BCAR1: variants seen among roughly 807,000 people sequenced by gnomAD.
BCAR1 encodes breast cancer anti-estrogen resistance protein 1.
BCAR1 carries 30 observed loss-of-function variants against 67.6 expected under a neutral mutation model. The ratio of observed to expected loss-of-function variants is 0.44; its 90% confidence interval spans 0.33 to 0.60. The LOEUF is 0.60. BCAR1 is among the 20% of genes least tolerant of loss of function. BCAR1 has a pLI of 0.02. For missense variants in BCAR1, 1,313 were observed against 1,222.3 expected, an observed-to-expected ratio of 1.07 and a Z score of -1.11; for synonymous variants, 626 against 556.7, an observed-to-expected ratio of 1.12 and a Z score of -1.75.
intron 1 of BCAR1, chr16:75,247,795 C>A (rs1009515206): frequency 1.7e-5 from 9 of 524,986 alleles, no homozygotes; most frequent in Admixed American, 3.1e-5. Context: ...CTGGCCTGCA[C>A]CCTTTCACCC....
At chr16:75,261,487 G>A (rs912628483) in intron 1 of BCAR1, among the ~76,000 whole-genome samples, 13 of 152,260 alleles carry the variant, frequency 8.5e-5, no homozygotes, top group African/African-American at 3.1e-4. Context: ...TGGCCCGACT[G>A]CTGCAGACCA....
Position 75,237,284 on chromosome 16 carries a change from C to A in BCAR1, c.694G>T (p.Asp232Tyr). Residue 232 changes from aspartate (D) to tyrosine (Y), a missense_variant, in exon 3 of 7, where the codon GAC (aspartate) becomes TAC (tyrosine). Asp to Tyr is a radical substitution (Grantham distance 160, BLOSUM62 -3). Coordinates refer to ENST00000162330, the MANE Select transcript of BCAR1 (RefSeq NM_014567.5). ...YVYEAAQPEQ[D>Y]EYDIPRHLLA... ...AGGTGTCGCGGGATGTCGTACTCGT[C>A]CTGCTCCGGCTGGGCGGCCTCGTAT... 1 of 1,521,652 alleles carries A rather than the reference C, an allele frequency of 6.6e-7. No homozygotes were observed. The highest frequency in any genetic ancestry group is 2.4e-5 in the East Asian group (1 of 41,306). The allele number at this position is 1,521,652 out of a possible 1,614,324, so 94.3% of individuals were successfully genotyped here.
upstream of BCAR1, chr16:75,252,447 G>A: frequency 7.0e-7 from 1 of 1,430,608 alleles, no homozygotes; most frequent in South Asian, 1.5e-5. Flanking sequence ...GGGAAACCGA[G>A]TGGAGACAAC....
At chr16:75,258,637 G>A (rs935962699) in intron 1 of BCAR1, among the ~76,000 whole-genome samples, 4 of 152,218 alleles carry the variant, frequency 2.6e-5, no homozygotes, top group African/African-American at 9.7e-5. Context: ...TGACATTTGA[G>A]CAGATGTGTG....
chr16:75,253,496 G>A (rs951819041), upstream of BCAR1, among the ~76,000 whole-genome samples: 1 of 152,194 alleles, frequency 6.6e-6, no homozygotes, highest in Non-Finnish European at 1.5e-5. Flanking sequence ...GGAGGTGGAT[G>A]GCTGGAACCT....
intron 4 of BCAR1, chr16:75,236,245 G>A (rs1000130696): frequency 5.0e-5 from 27 of 535,512 alleles, no homozygotes; most frequent in Middle Eastern, 4.9e-4. Flanking sequence ...GCCGGCTCTG[G>A]AGCCAGGTGA....
intron 1 of BCAR1, among the ~76,000 whole-genome samples, chr16:75,265,478 G>A (rs1338495746): frequency 2.0e-5 from 3 of 152,178 alleles, no homozygotes; most frequent in African/African-American, 2.4e-5. Flanking sequence ...TCCTGGTGCG[G>A]GGTCCTGGCG....
intron 1 of BCAR1, chr16:75,250,672 G>A: frequency 1.0e-6 from 1 of 985,488 alleles, no homozygotes; most frequent in Non-Finnish European, 1.2e-6. Context: ...CCCTCACCTC[G>A]GTCCAGCGAT....
At chr16:75,232,351 G>A (rs1040305270) in intron 6 of BCAR1, among the ~76,000 whole-genome samples, 1 of 152,042 alleles carries the variant, frequency 6.6e-6, no homozygotes, top group Non-Finnish European at 1.5e-5. Flanking sequence ...GTAGAGATGG[G>A]GTTTTGCCAT....
intron 4 of BCAR1, chr16:75,236,331 C>T (rs2151416950): frequency 2.5e-6 from 1 of 392,246 alleles, no homozygotes; most frequent in Non-Finnish European, 4.6e-6. Context: ...TGTGTCACTG[C>T]AGACACTCAC....
rs994032899 is a variant in BCAR1 at position 75,250,692 on chromosome 16, G to C, written c.12+779C>G. ...ACCTCGGTCCAGCGATCAGCCTCTC[G>C]GACCCTCGAGAGGGAGCTCCGACCC... On this transcript the variant is annotated intron_variant, in intron 1 of 6. Transcript: ENST00000162330. 3 of 985,360 alleles carry C rather than the reference G, an allele frequency of 3.0e-6. No homozygotes were observed. In the African/African-American group the frequency reaches 5.2e-5, roughly 17 times the overall value. 61.0% of individuals were successfully genotyped at this position (985,360 alleles called of 1,614,324 possible).
At chr16:75,248,923 C>A (rs1205602792) in intron 1 of BCAR1, 1 of 152,462 alleles carries the variant, frequency 6.6e-6, no homozygotes, top group African/African-American at 2.4e-5. Flanking sequence ...TTGGCTGCAG[C>A]ACCACAGCAG....
At chr16:75,230,963 T>A (rs979282271) in intron 6 of BCAR1, among the ~76,000 whole-genome samples, 1 of 151,846 alleles carries the variant, frequency 6.6e-6, no homozygotes, top group Admixed American at 6.6e-5. Flanking sequence ...GGCAGGTGAA[T>A]CACTTGAGTC....
chr16:75,251,338 C>A, intron 1 of BCAR1, 133 bp downstream of exon 1: 1 of 1,277,442 alleles, frequency 7.8e-7, no homozygotes, highest in Non-Finnish European at 1.0e-6. Flanking sequence ...AGAAGGAGAT[C>A]CCAGGGCCGC....
upstream of BCAR1, among the ~76,000 whole-genome samples, chr16:75,253,654 C>T (rs1019069828): frequency 5.9e-5 from 9 of 152,340 alleles, no homozygotes; most frequent in African/African-American, 2.2e-4. Flanking sequence ...TTCCCTCCCC[C>T]AAAAGCCTGT....
chr16:75,247,767 G>C (rs2077562552), intron 1 of BCAR1: 1 of 460,606 alleles, frequency 2.2e-6, no homozygotes, highest in Non-Finnish European at 4.0e-6. Flanking sequence ...AACCCTCTCT[G>C]CCAGGCCTGG....
intron 1 of BCAR1, among the ~76,000 whole-genome samples, chr16:75,260,757 ATT>A (rs35173563): frequency 0.65 from 98,137 of 151,818 alleles, 32,333 homozygotes; most frequent in East Asian, 0.92. Context: ...GAAAAAATAC[ATT>A]TGGCATTACA....
At chr16:75,236,215 C>A in intron 4 of BCAR1, 1 of 593,666 alleles carries the variant, frequency 1.7e-6, no homozygotes, top group Non-Finnish European at 2.8e-6. Flanking sequence ...CAATTCCTAT[C>A]CATGACAGCT....
chr16:75,229,378 C>T lies in BCAR1; in HGVS notation c.*133G>A, dbSNP rs1463358087. 2 of 1,299,436 alleles carry T rather than the reference C, an allele frequency of 1.5e-6. No homozygotes were observed. Among genetic ancestry groups the T allele is most frequent in the Non-Finnish European group, 2.0e-6 (2 of 978,436 alleles). The allele number at this position is 1,299,436 out of a possible 1,614,324, so 80.5% of individuals were successfully genotyped here. ...CCATAAATATATACAGATTCCTGGG[C>T]ATCCAGGGCACCAGGACCGACGCAG... On this transcript the variant is annotated 3_prime_UTR_variant, in exon 7 of 7. Coordinates refer to ENST00000162330, the MANE Select transcript of BCAR1 (RefSeq NM_014567.5).
Sources: allele counts gnomAD v4.1 joint callset (sites outside exome capture counted in the v4.1 genomes callset), GRCh38; gene constraint gnomAD v4.1.1; transcripts MANE v1.5; gene names NCBI Gene and HGNC (gene_info 2026-07-23, HGNC 2026-07-21).